Variants in CCDC91 observed in about 807,000 individuals in gnomAD.
The protein encoded by CCDC91 is coiled-coil domain-containing protein 91.
In CCDC91, 48 loss-of-function variants were observed where a neutral mutation model predicts 63.2. The observed-to-expected ratio is 0.76, with a 90% CI of 0.60 to 0.97. The LOEUF is 0.97. Ranked by LOEUF, CCDC91 falls within the 50% of genes least tolerant of loss-of-function variation. The probability of loss-of-function intolerance (pLI) is 0.00; values close to 1 mark genes in which losing one functional copy is unlikely to be tolerated. For synonymous variants in CCDC91, 167 were observed against 165.8 expected (o/e 1.01, Z -0.06); for missense variants, 500 against 494.6 (o/e 1.01, Z -0.10).
intron 8 of CCDC91, among the ~76,000 whole-genome samples, chr12:28,447,942 T>C (rs1334717926): frequency 6.6e-6 from 1 of 151,988 alleles, no homozygotes; most frequent in Non-Finnish European, 1.5e-5. Context: ...AAACATCTTA[T>C]TTTAATAATA....
chr12:28,417,148 A>T (rs1947711852), intron 8 of CCDC91, among the ~76,000 whole-genome samples: 1 of 152,000 alleles, frequency 6.6e-6, no homozygotes, highest in Non-Finnish European at 1.5e-5. Flanking sequence ...GCTTTTACAC[A>T]GTTCTTTACA....
intron 12 of CCDC91, among the ~76,000 whole-genome samples, chr12:28,507,560 T>C (rs534727532): frequency 3.4e-4 from 52 of 152,154 alleles, no homozygotes; most frequent in Admixed American, 3.0e-3. Context: ...TTGTCAGTTG[T>C]CTTTTCTTCC....
intron 7 of CCDC91, among the ~76,000 whole-genome samples, chr12:28,372,264 G>A (rs11049559): frequency 0.41 from 62,247 of 151,856 alleles, 13,054 homozygotes; most frequent in Middle Eastern, 0.49. Flanking sequence ...TTTGAAATTC[G>A]GTAAATATGC....
chr12:28,529,137 CAT>C (rs1374132867), intron 12 of CCDC91, among the ~76,000 whole-genome samples: 4 of 152,094 alleles, frequency 2.6e-5, no homozygotes, highest in African/African-American at 4.8e-5. Context: ...TTTATTTAAA[CAT>C]ATGACATACT....
intron 6 of CCDC91, among the ~76,000 whole-genome samples, chr12:28,326,190 C>T (rs1430432270): frequency 6.6e-6 from 1 of 152,020 alleles, no homozygotes; most frequent in Admixed American, 6.6e-5. Context: ...TGAGATTCTG[C>T]TTAGAAGTAA....
chr12:28,291,649 T>G (rs7307925), intron 3 of CCDC91, among the ~76,000 whole-genome samples: 3,020 of 152,276 alleles, frequency 0.02, 105 homozygotes, highest in African/African-American at 0.069. Flanking sequence ...TCATATAAAA[T>G]CCACTTTTTG....
intron 6 of CCDC91, among the ~76,000 whole-genome samples, chr12:28,309,792 T>A (rs1235434640): frequency 2.6e-5 from 4 of 152,080 alleles, no homozygotes; most frequent in Non-Finnish European, 4.4e-5. Flanking sequence ...CTAGCTTCCT[T>A]CTGATATTTG....
intron 8 of CCDC91, among the ~76,000 whole-genome samples, chr12:28,410,457 T>G (rs1490655713): frequency 3.9e-5 from 6 of 152,164 alleles, no homozygotes; most frequent in Non-Finnish European, 8.8e-5. Flanking sequence ...TATTGCATCT[T>G]GTTTTTTATC....
intron 12 of CCDC91, among the ~76,000 whole-genome samples, chr12:28,496,735 C>G (rs1327794389): frequency 6.6e-6 from 1 of 151,134 alleles, no homozygotes; most frequent in African/African-American, 2.4e-5. Context: ...CCATAATATT[C>G]TTTTTCAAGT....
chr12:28,450,378 A>T lies in CCDC91; in HGVS notation c.884A>T (p.Glu295Val), dbSNP rs772462544. 4 of 1,612,168 alleles carry T rather than the reference A, an allele frequency of 2.5e-6. No individual in the cohort carries two copies. The highest frequency in any genetic ancestry group is 3.4e-6 in the Non-Finnish European group (4 of 1,178,638). Residue 295 changes from glutamate to valine, a missense_variant, in exon 10 of 13, where the codon GAA (glutamate) becomes GTA (valine). By Grantham distance (121) the Glu-to-Val change is moderately radical. Transcript: ENST00000536442. ...KEILEKCLEE[E>V]RQRNKEALVS... is the part of the protein sequence containing the mutation. ...ATATTGGAAAAGTGTTTGGAGGAAG[A>T]AAGGCAAAGAAATAAAGAGGCATTA...
intron 11 of CCDC91, among the ~76,000 whole-genome samples, chr12:28,470,124 A>ACAAT (rs970112711): frequency 2.0e-5 from 3 of 152,158 alleles, no homozygotes; most frequent in Admixed American, 2.0e-4. Flanking sequence ...GGCAAAGGAA[A>ACAAT]CAATCAACAA....
chr12:28,485,674 C>A (rs751908449), intron 12 of CCDC91, among the ~76,000 whole-genome samples: 3 of 152,140 alleles, frequency 2.0e-5, no homozygotes, highest in Non-Finnish European at 4.4e-5. Flanking sequence ...TTTTTAAAAG[C>A]ATTTTCACTC....
chr12:28,388,245 T>C, intron 7 of CCDC91, among the ~76,000 whole-genome samples: 1 of 152,018 alleles, frequency 6.6e-6, no homozygotes, highest in Non-Finnish European at 1.5e-5. Flanking sequence ...TTTCTTGCTG[T>C]TGTAAGTCCT....
rs141515322 is a variant in CCDC91, at chr12:28,261,525, A to G, written c.109+2083A>G. ...GATGCCAAAGGCATTAGGGAGGTCA[A>G]TGAGATTGGAGGCTGAGAAAAAAAC... is the stretch of plus-strand genomic sequence containing the variant. On this transcript the variant is annotated intron_variant, in intron 3 of 12. Coordinates refer to ENST00000536442, the MANE Select transcript of CCDC91 (RefSeq NM_018318.5). 1.4e-4 allele frequency among the ~76,000 whole-genome samples: 21 copies of G among 152,092 alleles called. 1 individual carries two copies. The East Asian group carries it at 3.3e-3, about 24-fold the overall frequency.
intron 3 of CCDC91, among the ~76,000 whole-genome samples, chr12:28,293,194 T>C (rs936740036): frequency 3.9e-5 from 6 of 152,116 alleles, no homozygotes; most frequent in Non-Finnish European, 8.8e-5. Flanking sequence ...ATTCAGAGAA[T>C]AAGACATAAA....
At chr12:28,474,268 G>T (rs1414849351) in intron 11 of CCDC91, among the ~76,000 whole-genome samples, 1 of 149,980 alleles carries the variant, frequency 6.7e-6, no homozygotes, top group East Asian at 2.1e-4. Flanking sequence ...AGTTAAAAAT[G>T]ATAATAATGT....
At chr12:28,312,828 A>T (rs558508006) in intron 6 of CCDC91, among the ~76,000 whole-genome samples, 6 of 152,100 alleles carry the variant, frequency 3.9e-5, no homozygotes, top group Admixed American at 3.3e-4. Flanking sequence ...TTCCCTGTGC[A>T]AGTTCTCTTC....
At chr12:28,307,805 A>G (rs1938902541) in intron 6 of CCDC91, 56 bp downstream of exon 6, 5 of 912,476 alleles carry the variant, frequency 5.5e-6, no homozygotes, top group Admixed American at 2.3e-5. Context: ...AGCATGTGCT[A>G]TAATTTCAAA....
At chr12:28,288,644 A>AT (rs1343589229) in intron 3 of CCDC91, among the ~76,000 whole-genome samples, 1 of 151,962 alleles carries the variant, frequency 6.6e-6, no homozygotes, top group Non-Finnish European at 1.5e-5. Context: ...TGAAATAATT[A>AT]TTTTTCGTTG....
Sources: gnomAD v4.1 joint callset for allele counts (sites outside exome capture counted in the v4.1 genomes callset) on GRCh38, gnomAD v4.1.1 for gene constraint, MANE v1.5 for transcripts, NCBI Gene and HGNC (gene_info 2026-07-23, HGNC 2026-07-21) for gene names.